The following R3HDM2 variants were observed in gnomAD, a reference collection of about 807,000 sequenced individuals.
R3HDM2 encodes R3H domain containing 2, also known as R3H domain-containing protein 2.
R3HDM2 carries 38 observed loss-of-function variants against 124.5 expected under a neutral mutation model. The observed-to-expected ratio is 0.31, with a 90% CI of 0.24 to 0.40. R3HDM2 has a LOEUF of 0.40. Among genes scored for constraint, R3HDM2 ranks in the 10% least tolerant of loss-of-function variants. The pLI is 1.00. For synonymous variants in R3HDM2, 391 were observed against 448.0 expected, an observed-to-expected ratio of 0.87 and a Z score of 1.61; for missense variants, 869 against 1,236.9, an observed-to-expected ratio of 0.70 and a Z score of 4.46.
chr12:57,369,389 GTGTAAA>G (rs1297089896), intron 2 of R3HDM2, among the ~76,000 whole-genome samples: 3 of 152,144 alleles, frequency 2.0e-5, no homozygotes, highest in African/African-American at 7.2e-5. Flanking sequence ...TTTATTAAGG[GTGTAAA>G]ACTACATCAT....
At chr12:57,315,648 C>T (rs957097317) in intron 2 of R3HDM2, among the ~76,000 whole-genome samples, 1 of 152,214 alleles carries the variant, frequency 6.6e-6, no homozygotes, top group African/African-American at 2.4e-5. Flanking sequence ...TCAGCCAAAA[C>T]ACTGAACACA....
At chr12:57,300,944 T>A (rs1281660691) in intron 4 of R3HDM2, among the ~76,000 whole-genome samples, 5 of 151,092 alleles carry the variant, frequency 3.3e-5, no homozygotes, top group Admixed American at 6.6e-5. Context: ...TGCAAAAAAA[T>A]TTTTTAAAAA....
chr12:57,361,463 A>C (rs1422089373), intron 2 of R3HDM2, among the ~76,000 whole-genome samples: 3 of 151,482 alleles, frequency 2.0e-5, no homozygotes, highest in East Asian at 1.9e-4. Context: ...AGGCAGGAGG[A>C]TCATTTGAGG....
At chr12:57,338,838 A>C (rs978082687) in intron 2 of R3HDM2, among the ~76,000 whole-genome samples, 1 of 151,774 alleles carries the variant, frequency 6.6e-6, no homozygotes, top group Non-Finnish European at 1.5e-5. Context: ...AGAGAGAGAG[A>C]GATAGGGTCT....
chr12:57,393,883 A>T (rs2067097609), intron 2 of R3HDM2, among the ~76,000 whole-genome samples: 1 of 152,228 alleles, frequency 6.6e-6, no homozygotes, highest in Admixed American at 6.5e-5. Flanking sequence ...GGAAGCTAAA[A>T]TAATGTAAAC....
chr12:57,296,422 ACT>A lies in R3HDM2; in HGVS notation c.688_689del (p.Ser230Ter). The A allele has an allele frequency of 6.4e-7, 1 of 1,552,266 alleles. No individual in the cohort carries two copies. Among genetic ancestry groups the A allele is most frequent in the African/African-American group, 1.4e-5 (1 of 73,126 alleles). ...GTTTCCTCCCTTACATTCTTGTGTTACTAGTTTTGTTGATGATGACAGCTTTC... is the reference window on the plus strand; with the variant it reads ...GTTTCCTCCCTTACATTCTTGTGTTAAGTTTTGTTGATGATGACAGCTTTC... ...TGKAVIINKT[S>X]NTRIPEQRFS... On this transcript the variant is annotated frameshift_variant, in exon 9 of 24. Coordinates refer to ENST00000402412, the MANE Select transcript of R3HDM2 (RefSeq NM_001394031.1). LOFTEE classifies it high-confidence loss of function. This position sits in a 1 kb window ranked among gnomAD's most constrained non-coding sequence, Gnocchi z 4.5.
In R3HDM2 at chr12:57,280,480, A is replaced by G. The variant is rs752799650; in HGVS notation, c.1222T>C (p.Ser408Pro). ...EVCNQVTSSQSVRGLLPCTAQ... is the reference protein window; with the variant it reads ...EVCNQVTSSQPVRGLLPCTAQ... ...GTACAAGGGAGAAGCCCCCGGACAG[A>G]CTGGGATGAGGTGACCTGGTTGCAC... The change falls in exon 14 of 24, where the codon TCT becomes CCT. Residue 408 changes from serine (S) to proline (P), a missense_variant. Around this residue, in one of 2 missense-constraint regions of R3HDM2, gnomAD observed 602 missense variants for 789.2 expected, o/e 0.76. Transcript: ENST00000402412. 3 of 1,613,844 alleles carry G rather than the reference A, an allele frequency of 1.9e-6. No individual in the cohort carries two copies. The Admixed American group carries it at 5.0e-5, about 27-fold the overall frequency.
intron 1 of R3HDM2, among the ~76,000 whole-genome samples, chr12:57,402,844 A>G (rs528070043): frequency 6.6e-6 from 1 of 152,284 alleles, no homozygotes; most frequent in South Asian, 2.1e-4. Flanking sequence ...GACATAAGCT[A>G]CTGCAGCCAG....
At chr12:57,283,664 G>A (rs1442529925) in intron 13 of R3HDM2, among the ~76,000 whole-genome samples, 160 bp downstream of exon 13, 2 of 151,964 alleles carry the variant, frequency 1.3e-5, no homozygotes, top group Non-Finnish European at 2.9e-5. Flanking sequence ...ACTTGAACCC[G>A]GGAGACAGAG....
intron 2 of R3HDM2, among the ~76,000 whole-genome samples, chr12:57,343,764 T>TA (rs5798403): frequency 0.014 from 1,595 of 111,606 alleles, 19 homozygotes; most frequent in African/African-American, 0.028. Flanking sequence ...TACAAAAGGT[T>TA]AAAAAAAAAA....
intron 11 of R3HDM2, among the ~76,000 whole-genome samples, chr12:57,292,270 G>A (rs1391566661): frequency 6.6e-6 from 1 of 152,180 alleles, no homozygotes; most frequent in African/African-American, 2.4e-5. Context: ...GCAAGATTCA[G>A]ACCCTGCCAA....
intron 23 of R3HDM2, 150 bp from the exon 24 acceptor site, chr12:57,255,263 C>T: frequency 1.6e-6 from 1 of 608,690 alleles, no homozygotes; most frequent in Non-Finnish European, 2.7e-6. Flanking sequence ...TCTTCCCCTC[C>T]CCACCATCCC....
chr12:57,311,382 C>T (rs555293309), intron 2 of R3HDM2, among the ~76,000 whole-genome samples: 193 of 151,420 alleles, frequency 1.3e-3, no homozygotes, highest in African/African-American at 4.4e-3. Flanking sequence ...CCCGCCACCA[C>T]GCTCAGCTAA....
chr12:57,273,237 G>C (rs1406640299), intron 14 of R3HDM2, among the ~76,000 whole-genome samples: 1 of 152,144 alleles, frequency 6.6e-6, no homozygotes, highest in Non-Finnish European at 1.5e-5. Flanking sequence ...AAGCAAACAG[G>C]AAGGATTTAG....
intron 3 of R3HDM2, among the ~76,000 whole-genome samples, chr12:57,308,767 A>G (rs935840019): frequency 6.6e-6 from 1 of 152,210 alleles, no homozygotes; most frequent in African/African-American, 2.4e-5. Context: ...TCAGAACACC[A>G]TTTATAATTA....
At chr12:57,325,647 C>T (rs2057200546) in intron 2 of R3HDM2, among the ~76,000 whole-genome samples, 1 of 151,892 alleles carries the variant, frequency 6.6e-6, no homozygotes, top group African/African-American at 2.4e-5. Flanking sequence ...TAGGCCCAAG[C>T]TATCCTCCCA....
Position 57,354,495 on chromosome 12 carries a change from T to C in R3HDM2, c.-36+41254A>G, listed in dbSNP as rs866232367. 2.6e-5 allele frequency among the ~76,000 whole-genome samples: 4 copies of C among 152,006 alleles called. No homozygotes were observed. In the South Asian group the frequency reaches 8.3e-4, roughly 32 times the overall value. On this transcript the variant is annotated intron_variant, in intron 2 of 23. Coordinates refer to ENST00000402412, the MANE Select transcript of R3HDM2 (RefSeq NM_001394031.1). ...TTTTAGTAGAGATGGGGTTTCACCA[T>C]GTTGGCCAGGCTGATCTCGAACTCC...
At chr12:57,311,295 G>C (rs1016122214) in intron 2 of R3HDM2, among the ~76,000 whole-genome samples, 1 of 151,658 alleles carries the variant, frequency 6.6e-6, no homozygotes, top group African/African-American at 2.4e-5. Context: ...ACATGATCTC[G>C]GCTCACTGTA....
chr12:57,284,090 C>T, intron 12 of R3HDM2, 34 bp from the exon 13 acceptor site: 1 of 1,539,510 alleles, frequency 6.5e-7, no homozygotes, highest in Non-Finnish European at 8.8e-7. Flanking sequence ...GCACCTCCCA[C>T]CCACCACTTT....
Sources: allele counts gnomAD v4.1 joint callset (sites outside exome capture counted in the v4.1 genomes callset), GRCh38; gene constraint gnomAD v4.1.1; regional missense constraint gnomAD v4.1.1; non-coding constraint Gnocchi (gnomAD v3.1); transcripts MANE v1.5; gene names NCBI Gene and HGNC (gene_info 2026-07-23, HGNC 2026-07-21).